The following USP34 variants were observed in gnomAD, a reference collection of about 807,000 sequenced individuals.
USP34 encodes the protein ubiquitin specific peptidase 34.
Under a neutral mutation model 460.3 loss-of-function variants are expected in USP34, and 70 were observed. The ratio of observed to expected loss-of-function variants is 0.15; its 90% CI spans 0.13 to 0.19. The LOEUF (loss-of-function observed/expected upper bound fraction) is 0.19, where lower values mean the gene tolerates loss of function less well. Among genes scored for constraint, USP34 ranks in the 10% least tolerant of loss-of-function variants. The pLI, the probability that USP34 is intolerant of heterozygous loss-of-function variation, is 1.00. For missense variants in USP34, 3,985 were observed against 4,236.2 expected (o/e 0.94, Z 1.65); for synonymous variants, 1,647 against 1,405.3 (o/e 1.17, Z -3.85).
intron 20 of USP34, among the ~76,000 whole-genome samples, chr2:61,327,957 A>G (rs1691144885): frequency 6.6e-6 from 1 of 152,220 alleles, no homozygotes; most frequent in Non-Finnish European, 1.5e-5. Context: ...CACAGACAAG[A>G]TATTCTCTAG....
At chr2:61,385,671 C>CCAA (rs1693117425) in intron 5 of USP34, among the ~76,000 whole-genome samples, 2 of 45,996 alleles carry the variant, frequency 4.3e-5, no homozygotes, top group African/African-American at 9.6e-5. Context: ...GACTCTGTCT[C>CCAA]AAAAAAAAAA....
intron 53 of USP34, among the ~76,000 whole-genome samples, chr2:61,237,666 T>C: frequency 6.9e-6 from 1 of 144,594 alleles, no homozygotes; most frequent in Non-Finnish European, 1.5e-5. Context: ...CTCCCTGGTC[T>C]CAGGTGATCC....
intron 61 of USP34, 45 bp from the exon 62 acceptor site, chr2:61,227,263 T>C (rs1333584079): frequency 7.7e-6 from 12 of 1,555,990 alleles, no homozygotes; most frequent in Non-Finnish European, 7.8e-6. Flanking sequence ...GTAGTTTTAA[T>C]ATCATTTTGA....
At chr2:61,225,306 C>G (rs921664869) in intron 62 of USP34, among the ~76,000 whole-genome samples, 1 of 151,998 alleles carries the variant, frequency 6.6e-6, no homozygotes, top group Non-Finnish European at 1.5e-5. Context: ...TACATTAATA[C>G]TTTCAGAATA....
rs79339615 is a variant in USP34, at chr2:61,467,442, G to A, written c.43+3208C>T. Among the ~76,000 whole-genome samples the A allele has an allele frequency of 1.7e-3, 261 of 151,602 alleles. 1 individual carries two copies. Among genetic ancestry groups the A allele is most frequent in the Middle Eastern group, 3.4e-3 (1 of 294 alleles). On this transcript the variant is annotated intron_variant, in intron 1 of 79. Coordinates refer to ENST00000398571, the MANE Select transcript of USP34 (RefSeq NM_014709.4). ...CGGGATTACAGGGGCGCACCACCAC[G>A]TCTGACTGTTTTGTGAGGTTGCTTT...
chr2:61,349,390 A>G, intron 12 of USP34, 105 bp from the exon 13 acceptor site: 4 of 1,157,088 alleles, frequency 3.5e-6, no homozygotes, highest in Non-Finnish European at 4.9e-6. Flanking sequence ...ATGTAAGTGG[A>G]GAAACCTGCA....
intron 13 of USP34, 31 bp downstream of exon 13, chr2:61,349,219 T>C (rs1196914877): frequency 2.5e-6 from 4 of 1,605,154 alleles, no homozygotes; most frequent in East Asian, 2.2e-5. Context: ...AACTAAGTCA[T>C]GTTGCCATGA....
chr2:61,222,154 T>C (rs1687605986), intron 65 of USP34, among the ~76,000 whole-genome samples: 1 of 152,240 alleles, frequency 6.6e-6, no homozygotes, highest in African/African-American at 2.4e-5. Flanking sequence ...TTGAAAAATT[T>C]AGATTAAAAG....
chr2:61,217,077 C>G (rs1363122656), intron 67 of USP34, among the ~76,000 whole-genome samples: 1 of 151,966 alleles, frequency 6.6e-6, no homozygotes, highest in Non-Finnish European at 1.5e-5. Flanking sequence ...TTTGCTTTAT[C>G]ACATACCTAA....
At chr2:61,445,346 T>C (rs1480277489) in intron 1 of USP34, among the ~76,000 whole-genome samples, 2 of 143,692 alleles carry the variant, frequency 1.4e-5, no homozygotes, top group East Asian at 4.6e-4. Context: ...CCATCCTGGC[T>C]AACACAGTGA....
At chr2:61,247,114 A>G (rs1472307095) in intron 49 of USP34, among the ~76,000 whole-genome samples, 2 of 152,222 alleles carry the variant, frequency 1.3e-5, no homozygotes, top group Non-Finnish European at 2.9e-5. Flanking sequence ...TCCTATCCCC[A>G]AAGATTTAAA....
chr2:61,470,405 G>C (rs898034516), intron 1 of USP34, among the ~76,000 whole-genome samples: 7 of 151,526 alleles, frequency 4.6e-5, no homozygotes, highest in Non-Finnish European at 1.0e-4. Flanking sequence ...AGAGCCCAGA[G>C]CGCCCGGGCC....
chr2:61,310,205 A>C (rs908618073), intron 27 of USP34, among the ~76,000 whole-genome samples: 1 of 152,174 alleles, frequency 6.6e-6, no homozygotes, highest in African/African-American at 2.4e-5. Context: ...AATATATTTC[A>C]ACCTAACCAA....
intron 59 of USP34, among the ~76,000 whole-genome samples, chr2:61,229,272 A>G (rs1274885951): frequency 2.6e-5 from 4 of 151,994 alleles, no homozygotes; most frequent in Non-Finnish European, 5.9e-5. Context: ...TTTTAAACAG[A>G]ACAAATATTT....
At chr2:61,299,587 C>G (rs1690155584) in intron 29 of USP34, among the ~76,000 whole-genome samples, 1 of 151,784 alleles carries the variant, frequency 6.6e-6, no homozygotes, top group African/African-American at 2.4e-5. Flanking sequence ...ACCATGTCTA[C>G]AAAATATTAA....
chr2:61,420,520 C>T (rs572412668), intron 2 of USP34, among the ~76,000 whole-genome samples: 1 of 152,122 alleles, frequency 6.6e-6, no homozygotes, highest in South Asian at 2.1e-4. Context: ...CTCTCATATC[C>T]CTAAATAAGC....
At chr2:61,288,564 G>C (rs775356486) in intron 34 of USP34, 113 bp downstream of exon 34, 10 of 1,073,600 alleles carry the variant, frequency 9.3e-6, no homozygotes, top group Non-Finnish European at 1.4e-5. Flanking sequence ...CGTCAGTTCA[G>C]CTGTCAGGTT....
intron 1 of USP34, among the ~76,000 whole-genome samples, chr2:61,446,599 C>T (rs1695124203): frequency 6.6e-6 from 1 of 152,032 alleles, no homozygotes; most frequent in South Asian, 2.1e-4. Flanking sequence ...AGCTCGAGAC[C>T]AGCCTGGCCA....
intron 72 of USP34, 102 bp from the exon 73 acceptor site, chr2:61,204,703 T>A: frequency 2.3e-6 from 2 of 883,432 alleles, no homozygotes; most frequent in Non-Finnish European, 3.6e-6. Context: ...ACAACCAGTT[T>A]AATGAGTCTA....
Sources: allele counts gnomAD v4.1 joint callset (sites outside exome capture counted in the v4.1 genomes callset), GRCh38; gene constraint gnomAD v4.1.1; transcripts MANE v1.5; gene names NCBI Gene and HGNC (gene_info 2026-07-23, HGNC 2026-07-21).